The following NEB variants were observed in gnomAD, a reference collection of about 807,000 sequenced individuals.
The protein encoded by NEB is nebulin, also known as nemaline myopathy type 2.
Under a neutral mutation model 952.2 loss-of-function variants are expected in NEB, and 512 were observed. That is an observed-to-expected ratio of 0.54 (90% CI 0.50 to 0.58). The LOEUF (loss-of-function observed/expected upper bound fraction) is 0.58. Ranked by LOEUF, NEB falls within the 20% of genes least tolerant of loss-of-function variation. NEB has a pLI of 0.00. For missense variants in NEB, 8,428 were observed against 9,231.1 expected (o/e 0.91, Z 3.56); for synonymous variants, 2,900 against 3,149.8 (o/e 0.92, Z 2.66).
Position 151,694,507 on chromosome 2 carries a change from C to G in NEB, c.1782+15G>C. Reference sequence around the variant, plus strand: ...CCCCGAAGCCAGCCTGTCCAGGTCCCCAGGCCACACTCACATCGCTGGTGT... The same window carrying G: ...CCCCGAAGCCAGCCTGTCCAGGTCCGCAGGCCACACTCACATCGCTGGTGT... On this transcript the variant is annotated intron_variant, in intron 19 of 181. Transcript: ENST00000397345. 1 of 1,613,718 alleles carries G rather than the reference C, an allele frequency of 6.2e-7. No individual in the cohort carries two copies. The highest frequency in any genetic ancestry group is 1.1e-5 in the South Asian group (1 of 91,062).
chr2:151,519,548 G>T, intron 154 of NEB, 110 bp downstream of exon 154: 1 of 795,890 alleles, frequency 1.3e-6, no homozygotes, highest in Non-Finnish European at 2.0e-6. Context: ...AATAGTGACA[G>T]TAGTTGGATA....
chr2:151,555,780 A>G (rs1420654346), intron 124 of NEB, among the ~76,000 whole-genome samples: 1 of 152,018 alleles, frequency 6.6e-6, no homozygotes, highest in Non-Finnish European at 1.5e-5. Flanking sequence ...GCCAACCAAA[A>G]TTTCCACTAG....
intron 62 of NEB, 85 bp downstream of exon 62, chr2:151,639,772 A>G (rs1225704333): frequency 2.6e-6 from 3 of 1,162,922 alleles, no homozygotes; most frequent in Admixed American, 2.3e-5. Context: ...TTATTACTCA[A>G]TGTTCTTTCT....
intron 164 of NEB, among the ~76,000 whole-genome samples, 192 bp from the exon 165 acceptor site, chr2:151,505,762 C>T (rs1162610241): frequency 3.3e-5 from 5 of 152,132 alleles, no homozygotes; most frequent in African/African-American, 7.2e-5. Flanking sequence ...AGGACAGGGA[C>T]GCTTTGTCTC....
rs759425229 is a variant in NEB at position 151,540,389 on chromosome 2, C to G, written c.20847G>C (p.Thr6949=). Residue 6949 remains threonine (T), a synonymous_variant, in exon 138 of 182, where the codon ACG becomes ACC. Transcript: ENST00000397345. ...MKDKYTPVPD[T]PILIRAKRAY... ...CCCTCTTGGCTCTGATGAGGATTGG[C>G]GTATCTGGAACCGGAGTGTACTTGT... The G allele has an allele frequency of 7.6e-6, 12 of 1,586,194 alleles. No individual in the cohort carries two copies. Among genetic ancestry groups the G allele is most frequent in the Non-Finnish European group, 1.0e-5 (12 of 1,164,568 alleles).
At position 151,612,214 on chromosome 2, in the gene NEB, G is replaced by C. The variant is rs754671742; in HGVS notation, c.11777C>G (p.Ala3926Gly). The C allele has an allele frequency of 1.2e-6, 2 of 1,613,756 alleles. No individual in the cohort carries two copies. Among genetic ancestry groups the C allele is most frequent in the East Asian group, 4.5e-5 (2 of 44,858 alleles). ...GCTCATTGTCAGGGCATTATTCTTT[G>C]CTAGGACAATTTCCGGAGTGTCGGT... ...CITDTPEIVL[A>G]KNNALTMSKH... Residue 3926 changes from alanine (A) to glycine (G), a missense_variant, in exon 78 of 182, where the codon GCA becomes GGA. Physicochemically the swap from Ala to Gly is moderately conservative, Grantham distance 60 (BLOSUM62 0). Around this residue, in one of 11 missense-constraint regions of NEB, gnomAD observed 337 missense variants for 297.5 expected, o/e 1.13. Coordinates refer to ENST00000397345, the MANE Select transcript of NEB (RefSeq NM_001164508.2).
chr2:151,548,201 TG>T, intron 131 of NEB, 106 bp downstream of exon 131: 1 of 914,434 alleles, frequency 1.1e-6, no homozygotes, highest in Non-Finnish European at 1.7e-6. Context: ...CATTTTTTGC[TG>T]GTATGTAAGT....
At position 151,563,803 on chromosome 2, in the gene NEB, G is replaced by C; in HGVS notation, c.18579+20C>G. The C allele has an allele frequency of 6.2e-7, 1 of 1,611,658 alleles. No individual in the cohort carries two copies. The highest frequency in any genetic ancestry group is 8.5e-7 in the Non-Finnish European group (1 of 1,177,918). On this transcript the variant is annotated intron_variant, in intron 118 of 181. Coordinates refer to ENST00000397345, the MANE Select transcript of NEB (RefSeq NM_001164508.2). Reference sequence around the variant, plus strand: ...CCAGTAAAGACTCTCAAACTTAGGAGAGGAAAAGGTCATACTGACCTCACT... The same window carrying C: ...CCAGTAAAGACTCTCAAACTTAGGACAGGAAAAGGTCATACTGACCTCACT...
intron 153 of NEB, among the ~76,000 whole-genome samples, chr2:151,522,842 T>C (rs1261382852): frequency 1.3e-5 from 2 of 151,936 alleles, no homozygotes; most frequent in Non-Finnish European, 1.5e-5. Context: ...CCGCCTAGAG[T>C]ACGCAGCAAG....
intron 120 of NEB, 111 bp downstream of exon 120, chr2:151,562,500 C>A: frequency 8.7e-7 from 1 of 1,150,340 alleles, no homozygotes. Flanking sequence ...TGAGAAGCAG[C>A]AAGATTTATG....
At position 151,506,891 on chromosome 2, in the gene NEB, A is replaced by AGTAAATATACTATAT. The variant is rs773201250; in HGVS notation, c.23556+17_23556+18insATATAGTATATTTAC. ...ATGACTAGGTTAGCATTAAATGCAA[A>AGTAAATATACTATAT]ATAAATAGTAAATATACCGAGCTGA... On this transcript the variant is annotated intron_variant, in intron 163 of 181. Coordinates refer to ENST00000397345, the MANE Select transcript of NEB (RefSeq NM_001164508.2). 7 of 1,526,232 alleles carry AGTAAATATACTATAT rather than the reference A, an allele frequency of 4.6e-6. No individual in the cohort carries two copies. In the Admixed American group the frequency reaches 1.2e-4, roughly 26 times the overall value. The allele number at this position is 1,526,232 out of a possible 1,614,324, so 94.5% of individuals were successfully genotyped here.
At chr2:151,630,115 CAAAT>C (rs1315597554) in intron 67 of NEB, among the ~76,000 whole-genome samples, 2 of 151,770 alleles carry the variant, frequency 1.3e-5, no homozygotes, top group Admixed American at 1.3e-4. Flanking sequence ...GTTTAAAAGA[CAAAT>C]AAGAAAAATT....
chr2:151,565,747 C>G lies in NEB; in HGVS notation c.18230G>C (p.Arg6077Thr). The G allele has an allele frequency of 6.2e-7, 1 of 1,612,590 alleles. No individual in the cohort carries two copies. Among genetic ancestry groups the G allele is most frequent in the Non-Finnish European group, 8.5e-7 (1 of 1,179,298 alleles). Reference protein sequence around the residue: ...WIPLDSVDHVRVTKNQEMMSQ... With the variant: ...WIPLDSVDHVTVTKNQEMMSQ... ...CATCATTTCCTGGTTCTTAGTAACC[C>G]TTACATGGTCCACAGAATCCAGTGG... The change falls in exon 115 of 182, where the codon AGG (arginine) becomes ACG (threonine). Residue 6077 changes from arginine (R) to threonine (T), a missense_variant. Arg to Thr is a moderately conservative substitution (Grantham distance 71, BLOSUM62 -1). Coordinates refer to ENST00000397345, the MANE Select transcript of NEB (RefSeq NM_001164508.2).
intron 105 of NEB, among the ~76,000 whole-genome samples, 160 bp from the exon 106 acceptor site, chr2:151,576,514 AT>A (rs1307484174): frequency 3.8e-5 from 1 of 26,226 alleles, no homozygotes; most frequent in South Asian, 1.6e-3. Context: ...ATATATATAT[AT>A]ATTTTTTTTT....
chr2:151,687,675 T>A lies in NEB; in HGVS notation c.2474A>T (p.Asp825Val). 2 of 1,607,868 alleles carry A rather than the reference T, an allele frequency of 1.2e-6. No homozygotes were observed. The highest frequency in any genetic ancestry group is 1.7e-6 in the Non-Finnish European group (2 of 1,176,438). ...TTTGGCTGCCAACAGGGGAATGGCG[T>A]CCACTTTAATGTCAAACTTCTTGGC... ...SKAKKFDIKVDAIPLLAAKAN... is the reference protein window; with the variant it reads ...SKAKKFDIKVVAIPLLAAKAN... The change falls in exon 26 of 182, where the codon GAC (aspartate) becomes GTC (valine). Residue 825 changes from aspartate (D) to valine (V), a missense_variant. Coordinates refer to ENST00000397345, the MANE Select transcript of NEB (RefSeq NM_001164508.2).
chr2:151,653,196 A>G (rs952366616), intron 52 of NEB, among the ~76,000 whole-genome samples: 3 of 152,188 alleles, frequency 2.0e-5, no homozygotes, highest in African/African-American at 7.2e-5. Flanking sequence ...CTACTTCCCT[A>G]TGAAATCCTG....
At position 151,561,305 on chromosome 2, in the gene NEB, T is replaced by A; in HGVS notation, c.19004A>T (p.Tyr6335Phe). The stretch of plus-strand genomic sequence containing the variant: ...TAGATTTTCTTTACCTGCTGCTGTA[T>A]ATTGTAGCTGTGAAGAAAAACAAAA... ...KSYDLQSQLQYTAAGKENLQN... is the reference protein window; with the variant it reads ...KSYDLQSQLQFTAAGKENLQN... Residue 6335 changes from tyrosine to phenylalanine, a missense_variant, in exon 122 of 182, where the codon TAT becomes TTT. Tyr to Phe is a conservative substitution (Grantham distance 22, BLOSUM62 3). Transcript: ENST00000397345. 6.3e-7 allele frequency: 1 copy of A among 1,591,556 alleles called. No homozygotes were observed. Among genetic ancestry groups the A allele is most frequent in the Non-Finnish European group, 8.6e-7 (1 of 1,168,008 alleles).
chr2:151,690,283 A>G (rs1288976874), intron 24 of NEB: 1 of 178,974 alleles, frequency 5.6e-6, no homozygotes, highest in Non-Finnish European at 1.2e-5. Flanking sequence ...ATTCTGTAGC[A>G]CCATTCTATA....
chr2:151,574,591 G>T (rs939242672), intron 107 of NEB, among the ~76,000 whole-genome samples: 2 of 152,042 alleles, frequency 1.3e-5, no homozygotes, highest in African/African-American at 4.8e-5. Context: ...GCACTATTAG[G>T]TCTCTGACTA....
Sources: gnomAD v4.1 joint callset for allele counts (sites outside exome capture counted in the v4.1 genomes callset) on GRCh38, gnomAD v4.1.1 for gene constraint, gnomAD v4.1.1 regional missense constraint, MANE v1.5 for transcripts, NCBI Gene and HGNC (gene_info 2026-07-23, HGNC 2026-07-21) for gene names.